The following FBN3 variants were observed in gnomAD, a reference collection of about 807,000 sequenced individuals.
The protein encoded by FBN3 is fibrillin 3, also known as fibrillin-3.
In FBN3, 234 loss-of-function variants were observed where a neutral mutation model predicts 330.1. The ratio of observed to expected loss-of-function variants is 0.71; its 90% CI spans 0.64 to 0.79. FBN3 has a LOEUF of 0.79. Among genes scored for constraint, FBN3 ranks in the 30% least tolerant of loss-of-function variants. The pLI, the probability that FBN3 is intolerant of heterozygous loss-of-function variation, is 0.00. For synonymous variants in FBN3, 1,458 were observed against 1,517.3 expected (o/e 0.96, Z 0.91); for missense variants, 3,606 against 3,886.9 (o/e 0.93, Z 1.92).
At position 8,072,209 on chromosome 19, in the gene FBN3, A is replaced by G. The variant is rs749414014; in HGVS notation, c.7938-11T>C. 2.6e-6 allele frequency: 4 copies of G among 1,518,692 alleles called. No individual in the cohort carries two copies. The allele number at this position is 1,518,692 out of a possible 1,614,324, so 94.1% of individuals were successfully genotyped here. On this transcript the variant is annotated splice_polypyrimidine_tract_variant and intron_variant, in intron 62 of 63. Transcript: ENST00000600128. ...CCGGAGACACAGTGCCTGGGCCAGG[A>G]TGGGCAGGGTGGAGGGGTTTCAGAG...
Position 8,123,812 on chromosome 19 carries a change from G to A in FBN3, c.2928C>T (p.Asp976=). 1.2e-6 allele frequency: 2 copies of A among 1,613,090 alleles called. No homozygotes were observed. The highest frequency in any genetic ancestry group is 1.7e-4 in the Middle Eastern group (1 of 6,050). The change falls in exon 23 of 64, where the codon GAC becomes GAT. Residue 976 remains aspartate, a synonymous_variant. Coordinates refer to ENST00000600128, the MANE Select transcript of FBN3 (RefSeq NM_032447.5). The stretch of plus-strand genomic sequence containing the variant: ...TATAGAATGGTCGGCCAGACAGGAA[G>A]TCCCGGCTGGCGAAGCCCAGCCCCC... ...CPRGLGFASR[D]FLSGRPFYKD...
At chr19:8,082,392 CTT>C (rs2081818220) in intron 57 of FBN3, among the ~76,000 whole-genome samples, 1 of 117,944 alleles carries the variant, frequency 8.5e-6, no homozygotes, top group Non-Finnish European at 1.6e-5. Context: ...TCTTTCTTCT[CTT>C]TTTTCTCTTT....
rs141765226 is a variant in FBN3, at chr19:8,096,999, A to T, written c.5295T>A (p.Asp1765Glu). 8.1e-6 allele frequency: 13 copies of T among 1,612,940 alleles called. No homozygotes were observed. Among genetic ancestry groups the T allele is most frequent in the Admixed American group, 1.7e-5 (1 of 59,982 alleles). The change falls in exon 43 of 64, where the codon GAT becomes GAA. Residue 1765 changes from aspartate to glutamate, a missense_variant. Transcript: ENST00000600128. This position sits in a 1 kb window ranked among gnomAD's most constrained non-coding sequence, Gnocchi z 4.6. ...NSILLACEDVDECGSRESPCQ... is the reference protein window; with the variant it reads ...NSILLACEDVEECGSRESPCQ... ...AGGGACTCTCCCTGCTGCCACACTC[A>T]TCGACATCTGGGAAAATACAGCAAA...
chr19:8,088,384 G>A (rs916616215), intron 51 of FBN3, among the ~76,000 whole-genome samples: 1 of 152,072 alleles, frequency 6.6e-6, no homozygotes, highest in Non-Finnish European at 1.5e-5. Flanking sequence ...AGGAATGCAT[G>A]AGTGAGCAAG....
Position 8,091,582 on chromosome 19 carries a change from C to T in FBN3, c.5914G>A (p.Glu1972Lys), listed in dbSNP as rs201729752. ...CAGAGGTTGGGCTCCTCTGAGCACT[C>T]GTCGATATCTGGAAGGGCAGGGACA... ...VQSDHCIDID[E>K]CSEEPNLCLF... Residue 1972 changes from glutamate to lysine, a missense_variant, in exon 48 of 64, where the codon GAG becomes AAG. Glu to Lys is a moderately conservative substitution (Grantham distance 56). Transcript: ENST00000600128. The T allele has an allele frequency of 6.6e-5, 107 of 1,613,984 alleles. No homozygotes were observed. The East Asian group carries it at 2.1e-3, about 32-fold the overall frequency.
chr19:8,143,362 C>T (rs149838861), intron 6 of FBN3, among the ~76,000 whole-genome samples: 46 of 152,244 alleles, frequency 3.0e-4, no homozygotes, highest in Non-Finnish European at 5.3e-4. Context: ...CAGGGTGCGC[C>T]ACTACCTTCC....
rs139728468 is a variant in FBN3, at chr19:8,140,308, G to A, written c.865+1409C>T. ...GTGAAACCCCGTCTCTACTAAAAAT[G>A]CAAAAATTAGCCGGGCATGGTGGTG... is the stretch of plus-strand genomic sequence containing the variant. On this transcript the variant is annotated intron_variant, in intron 8 of 63. Transcript: ENST00000600128. Among the ~76,000 whole-genome samples, 730 of 152,146 alleles carry A rather than the reference G, an allele frequency of 4.8e-3. 9 individuals are homozygous for A. Among genetic ancestry groups the A allele is most frequent in the African/African-American group, 0.016 (647 of 41,526 alleles).
intron 59 of FBN3, among the ~76,000 whole-genome samples, chr19:8,080,681 T>G (rs905766331): frequency 2.0e-5 from 3 of 152,050 alleles, no homozygotes; most frequent in South Asian, 2.1e-4. Context: ...TGCAGTGGCA[T>G]GATCTCAGCT....
At position 8,095,471 on chromosome 19, in the gene FBN3, C is replaced by A. The variant is rs866503440; in HGVS notation, c.5689G>T (p.Val1897Leu). The change falls in exon 46 of 64, where the codon GTG becomes TTG. Residue 1897 changes from valine (V) to leucine (L), a missense_variant. Transcript: ENST00000600128. ...TTGAGGCAATGGCCAAATCGGCACA[C>A]CTGCCCCACCAGGGTAGTACACTCA... ...FDECTTLVGQ[V>L]CRFGHCLNTA... 2 of 1,613,588 alleles carry A rather than the reference C, an allele frequency of 1.2e-6. No homozygotes were observed. Among genetic ancestry groups the A allele is most frequent in the African/African-American group, 2.7e-5 (2 of 74,898 alleles).
chr19:8,097,097 G>A lies in FBN3; in HGVS notation c.5288-91C>T, dbSNP rs1022316857. The A allele has an allele frequency of 7.8e-6, 12 of 1,543,442 alleles. No homozygotes were observed. In the African/African-American group the frequency reaches 9.5e-5, roughly 12 times the overall value. ...AACCCAGTCCACTGCTTCGGAGCAG[G>A]TGGTTTCTCTGGAAGCAGCCAGAGC... On this transcript the variant is annotated intron_variant, in intron 42 of 63. Coordinates refer to ENST00000600128, the MANE Select transcript of FBN3 (RefSeq NM_032447.5).
intron 1 of FBN3, chr19:8,147,748 A>G: frequency 2.7e-6 from 1 of 364,786 alleles, no homozygotes; most frequent in Non-Finnish European, 4.9e-6. Flanking sequence ...TGGGAAGTGG[A>G]AGGGAGGGGA....
chr19:8,109,746 G>T lies in FBN3; in HGVS notation c.4341C>A (p.Asn1447Lys). 1.3e-6 allele frequency: 2 copies of T among 1,515,386 alleles called. No individual in the cohort carries two copies. The highest frequency in any genetic ancestry group is 1.8e-6 in the Non-Finnish European group (2 of 1,131,538). The allele number at this position is 1,515,386 out of a possible 1,614,324, so 93.9% of individuals were successfully genotyped here. A position where few individuals can be genotyped will look rare whatever the true frequency, so the allele number is the denominator to read the frequency against. The change falls in exon 35 of 64, where the codon AAC becomes AAA. Residue 1447 changes from asparagine to lysine, a missense_variant. Asn to Lys is a moderately conservative substitution (Grantham distance 94). Coordinates refer to ENST00000600128, the MANE Select transcript of FBN3 (RefSeq NM_032447.5). This position sits in a 1 kb window ranked among gnomAD's most constrained non-coding sequence, Gnocchi z 5.2. ...TGCAGTTTACTGGGTCTGCACACTCGTTGATGTCTGTAGGGAGGAAGCGCG... is the reference window on the plus strand; with the variant it reads ...TGCAGTTTACTGGGTCTGCACACTCTTTGATGTCTGTAGGGAGGAAGCGCG... ...DRGGGNCTDI[N>K]ECADPVNCIN...
rs1568412040 is a variant in FBN3, at chr19:8,111,976, C to T, written c.3961+1G>A. ...CCCACTCCCTGCCCCCAGGTACTCA[C>T]CGTGACATTCGAAGCCATCCCCCAC... On this transcript the variant is annotated splice_donor_variant, in intron 31 of 63. Transcript: ENST00000600128. LOFTEE classifies it high-confidence loss of function. 6.3e-7 allele frequency: 1 copy of T among 1,593,674 alleles called. No homozygotes were observed. The highest frequency in any genetic ancestry group is 8.6e-7 in the Non-Finnish European group (1 of 1,166,434).
intron 8 of FBN3, among the ~76,000 whole-genome samples, chr19:8,140,604 A>T (rs973745513): frequency 6.6e-6 from 1 of 152,142 alleles, no homozygotes; most frequent in Non-Finnish European, 1.5e-5. Flanking sequence ...TTACTCCCCA[A>T]ATGATATCTT....
chr19:8,096,171 C>T lies in FBN3; in HGVS notation c.5540-91G>A. 9.9e-7 allele frequency: 1 copy of T among 1,007,336 alleles called. No homozygotes were observed. The highest frequency in any genetic ancestry group is 1.6e-6 in the Non-Finnish European group (1 of 632,732). 62.4% of individuals were successfully genotyped at this position (1,007,336 alleles called of 1,614,324 possible). ...AGGCCAGCTGGACCTAGCACTCCTC[C>T]CCTGCACCTAGCCCTGCCTAGATGA... On this transcript the variant is annotated intron_variant, in intron 44 of 63. Transcript: ENST00000600128. This position sits in a 1 kb window ranked among gnomAD's most constrained non-coding sequence, Gnocchi z 4.6.
chr19:8,090,487 G>GT (rs34225993), intron 48 of FBN3, among the ~76,000 whole-genome samples: 54,315 of 141,194 alleles, frequency 0.38, 10,885 homozygotes, highest in Middle Eastern at 0.51. Flanking sequence ...GGTGGTGGTG[G>GT]TTTTTTTTTT....
At chr19:8,078,099 C>T (rs1302642570) in intron 59 of FBN3, among the ~76,000 whole-genome samples, 1 of 152,040 alleles carries the variant, frequency 6.6e-6, no homozygotes, top group Non-Finnish European at 1.5e-5. Flanking sequence ...ACAGAAATGT[C>T]TGCCACCACC....
intron 21 of FBN3, 33 bp from the exon 22 acceptor site, chr19:8,126,050 A>C: frequency 6.2e-7 from 1 of 1,612,746 alleles, no homozygotes; most frequent in Non-Finnish European, 8.5e-7. Flanking sequence ...CGGAGGGTCC[A>C]GGGAGGGGAA....
At chr19:8,114,125 G>A (rs995032070) in intron 30 of FBN3, among the ~76,000 whole-genome samples, 5 of 152,114 alleles carry the variant, frequency 3.3e-5, no homozygotes, top group Non-Finnish European at 5.9e-5. Flanking sequence ...GAACAGCAAG[G>A]AGGCATGGAA....
Sources: allele counts gnomAD v4.1 joint callset (sites outside exome capture counted in the v4.1 genomes callset), GRCh38; gene constraint gnomAD v4.1.1; non-coding constraint Gnocchi (gnomAD v3.1); transcripts MANE v1.5; gene names NCBI Gene and HGNC (gene_info 2026-07-23, HGNC 2026-07-21).